The following NVL variants were observed in gnomAD, a reference collection of about 807,000 sequenced individuals.
NVL encodes nuclear VCP like.
A neutral mutation model predicts 110.2 loss-of-function variants in NVL; 84 were observed. That is an observed-to-expected ratio of 0.76 (90% CI 0.64 to 0.91). The LOEUF (loss-of-function observed/expected upper bound fraction) is 0.91, where lower values mean the gene tolerates loss of function less well. NVL is among the 40% of genes least tolerant of loss of function. NVL has a pLI of 0.00. For missense variants in NVL, 882 were observed against 1,035.9 expected (o/e 0.85, Z 2.04); for synonymous variants, 354 against 361.1 (o/e 0.98, Z 0.22).
At chr1:224,275,224 C>T (rs1422149971) in intron 17 of NVL, 115 bp downstream of exon 17, 1 of 1,173,914 alleles carries the variant, frequency 8.5e-7, no homozygotes, top group Non-Finnish European at 1.2e-6. Context: ...TAAGTGTCTT[C>T]ATTAAGAGTC....
Position 224,298,310 on chromosome 1 carries a change from G to T in NVL, c.1063-1692C>A, listed in dbSNP as rs1668069842. ...CCACAAGTGTTACCACCACAAAACTGGAAGAGTCTATAACGTTATCCAGCA... is the reference window on the plus strand; with the variant it reads ...CCACAAGTGTTACCACCACAAAACTTGAAGAGTCTATAACGTTATCCAGCA... On this transcript the variant is annotated intron_variant, in intron 10 of 22. Transcript: ENST00000281701. 1.5e-5 allele frequency: 4 copies of T among 265,078 alleles called. No homozygotes were observed. The South Asian group carries it at 2.1e-4, about 14-fold the overall frequency. 16.4% of individuals were successfully genotyped at this position (265,078 alleles called of 1,614,324 possible).
At chr1:224,273,662 G>A (rs928811571) in intron 17 of NVL, among the ~76,000 whole-genome samples, 1 of 152,026 alleles carries the variant, frequency 6.6e-6, no homozygotes, top group Non-Finnish European at 1.5e-5. Context: ...GACAAATGAA[G>A]GGTTTATTCA....
At chr1:224,326,567 C>G (rs1002107557) in intron 1 of NVL, 103 bp from the exon 2 acceptor site, 1 of 682,188 alleles carries the variant, frequency 1.5e-6, no homozygotes, top group East Asian at 2.7e-5. Context: ...TTAAGATAAA[C>G]TCTTCGTTAA....
At chr1:224,234,681 G>A (rs1223780369) in intron 20 of NVL, among the ~76,000 whole-genome samples, 1 of 152,090 alleles carries the variant, frequency 6.6e-6, no homozygotes, top group Non-Finnish European at 1.5e-5. Context: ...TCACATACCT[G>A]CTGGGGTATT....
intron 20 of NVL, among the ~76,000 whole-genome samples, chr1:224,234,572 A>T (rs1283100501): frequency 5.3e-5 from 8 of 151,828 alleles, no homozygotes; most frequent in African/African-American, 1.9e-4. Flanking sequence ...CCTGCCTCAG[A>T]CACATACTAT....
At chr1:224,305,805 AG>A (rs1668862081) in intron 6 of NVL, among the ~76,000 whole-genome samples, 1 of 152,218 alleles carries the variant, frequency 6.6e-6, no homozygotes, top group Non-Finnish European at 1.5e-5. Context: ...AGCCTCCCAA[AG>A]TGCTGGGATT....
At chr1:224,284,501 G>A (rs1485378021) in intron 15 of NVL, among the ~76,000 whole-genome samples, 1 of 151,766 alleles carries the variant, frequency 6.6e-6, no homozygotes, top group Non-Finnish European at 1.5e-5. Flanking sequence ...TCAGCCTCCC[G>A]AGTAGCTGGG....
chr1:224,317,591 G>A (rs564597293), intron 4 of NVL, 103 bp downstream of exon 4: 8 of 696,576 alleles, frequency 1.1e-5, no homozygotes, highest in Admixed American at 2.4e-5. Context: ...TAAATATCAC[G>A]CAGGGCTTTG....
At chr1:224,313,053 T>C (rs1159826082) in intron 4 of NVL, 4 of 377,022 alleles carry the variant, frequency 1.1e-5, no homozygotes. Flanking sequence ...CAGCTACCTG[T>C]GAGGCTGCGG....
intron 19 of NVL, among the ~76,000 whole-genome samples, chr1:224,248,274 T>A (rs571820222): frequency 6.6e-6 from 1 of 152,378 alleles, no homozygotes; most frequent in Non-Finnish European, 1.5e-5. Context: ...CATGTCTATA[T>A]CTTCTTTGTT....
chr1:224,325,989 A>T (rs1671107287), intron 2 of NVL, among the ~76,000 whole-genome samples: 1 of 151,926 alleles, frequency 6.6e-6, no homozygotes, highest in Non-Finnish European at 1.5e-5. Context: ...GGGTTTCACC[A>T]TGTTGCCCAG....
In NVL at chr1:224,289,616, T is replaced by G. The variant is rs1159208806; in HGVS notation, c.1443A>C (p.Ala481=). The G allele has an allele frequency of 6.2e-7, 1 of 1,614,270 alleles. No homozygotes were observed. Among genetic ancestry groups the G allele is most frequent in the Non-Finnish European group, 8.5e-7 (1 of 1,180,058 alleles). ...AGACTCTATTGACTGCACACATTGC[T>G]GCCTCTCGGCACAGTGCCATGAGAT... The part of the protein sequence containing the change: ...GADLMALCRE[A]AMCAVNRVLM... The change falls in exon 13 of 23, where the codon GCA becomes GCC. Residue 481 remains alanine (A), a synonymous_variant. Coordinates refer to ENST00000281701, the MANE Select transcript of NVL (RefSeq NM_002533.4).
At chr1:224,309,239 T>G (rs1669277949) in intron 5 of NVL, among the ~76,000 whole-genome samples, 1 of 152,100 alleles carries the variant, frequency 6.6e-6, no homozygotes. Context: ...AAATTGGGAC[T>G]GGGCGTGGTA....
chr1:224,275,233 T>C, intron 17 of NVL, 106 bp downstream of exon 17: 2 of 1,286,506 alleles, frequency 1.6e-6, no homozygotes, highest in South Asian at 1.3e-5. Context: ...TCATTAAGAG[T>C]CTCAATGCTC....
At chr1:224,249,744 C>CA (rs35413676) in intron 19 of NVL, among the ~76,000 whole-genome samples, 1 of 150,362 alleles carries the variant, frequency 6.7e-6, no homozygotes, top group Non-Finnish European at 1.5e-5. Context: ...GACTCTGCCT[C>CA]AAAAAAAAGG....
chr1:224,303,772 T>G lies in NVL; in HGVS notation c.911A>C (p.His304Pro). The G allele has an allele frequency of 1.2e-6, 2 of 1,613,660 alleles. No homozygotes were observed. Among genetic ancestry groups the G allele is most frequent in the Non-Finnish European group, 1.7e-6 (2 of 1,179,812 alleles). ...TGTCTTCCCACAGCCTGGTGGTCCA[T>G]GAAGGAGAACTCCACGAGGGGGCAC... ...GVVPPRGVLL[H>P]GPPGCGKTLL... Residue 304 changes from histidine to proline, a missense_variant, in exon 9 of 23, where the codon CAT becomes CCT. This residue lies in a region of NVL where 416 missense variants were observed against 499.3 expected (regional missense o/e 0.83). Coordinates refer to ENST00000281701, the MANE Select transcript of NVL (RefSeq NM_002533.4).
chr1:224,272,882 A>C (rs940915580), intron 17 of NVL, among the ~76,000 whole-genome samples: 3 of 149,500 alleles, frequency 2.0e-5, no homozygotes, highest in Non-Finnish European at 4.4e-5. Flanking sequence ...AAAATACAAA[A>C]AATTAGCCGG....
At chr1:224,272,841 C>T (rs1305692930) in intron 17 of NVL, among the ~76,000 whole-genome samples, 3 of 150,240 alleles carry the variant, frequency 2.0e-5, no homozygotes, top group African/African-American at 7.3e-5. Context: ...GAGACCATCC[C>T]GACTAAAACG....
At chr1:224,306,305 C>T (rs992448849) in intron 6 of NVL, among the ~76,000 whole-genome samples, 1 of 151,994 alleles carries the variant, frequency 6.6e-6, no homozygotes, top group African/African-American at 2.4e-5. Context: ...CTCGCTCTGT[C>T]ACCCAGGATG....
Sources: allele counts gnomAD v4.1 joint callset (sites outside exome capture counted in the v4.1 genomes callset), GRCh38; gene constraint gnomAD v4.1.1; regional missense constraint gnomAD v4.1.1; transcripts MANE v1.5; gene names NCBI Gene and HGNC (gene_info 2026-07-23, HGNC 2026-07-21).